RNF216: variants seen among roughly 807,000 people sequenced by gnomAD.
The protein encoded by RNF216 is E3 ubiquitin-protein ligase RNF216.
RNF216 carries 72 observed loss-of-function variants against 110.8 expected under a neutral mutation model. The ratio of observed to expected loss-of-function variants is 0.65; its 90% CI spans 0.54 to 0.79. RNF216 has a LOEUF of 0.79. RNF216 is among the 30% of genes least tolerant of loss of function. The probability of loss-of-function intolerance (pLI) is 0.00; values close to 1 mark genes in which losing one functional copy is unlikely to be tolerated. For missense variants in RNF216, 1,342 were observed against 1,141.2 expected (o/e 1.18, Z -2.54); for synonymous variants, 495 against 407.5 (o/e 1.21, Z -2.59).
At chr7:5,768,268 T>C (rs1219044494) in intron 1 of RNF216, among the ~76,000 whole-genome samples, 1 of 134,814 alleles carries the variant, frequency 7.4e-6, no homozygotes, top group Admixed American at 8.1e-5. Flanking sequence ...CTGGGAAACA[T>C]AGTGAGATCT....
chr7:5,633,230 G>A (rs1787185915), intron 15 of RNF216, among the ~76,000 whole-genome samples: 1 of 151,932 alleles, frequency 6.6e-6, no homozygotes, highest in Non-Finnish European at 1.5e-5. Flanking sequence ...ACCCGCCTTG[G>A]CCTCCCGAAG....
At chr7:5,749,448 G>T (rs1033386118) in intron 3 of RNF216, among the ~76,000 whole-genome samples, 1 of 152,166 alleles carries the variant, frequency 6.6e-6, no homozygotes, top group African/African-American at 2.4e-5. Context: ...ACCACGTCGG[G>T]CCTATATGGA....
At chr7:5,634,344 C>G (rs961577186) in intron 15 of RNF216, among the ~76,000 whole-genome samples, 6 of 152,176 alleles carry the variant, frequency 3.9e-5, no homozygotes, top group Non-Finnish European at 7.3e-5. Flanking sequence ...CATGTGTGGC[C>G]ACAGCTGTTG....
intron 5 of RNF216, among the ~76,000 whole-genome samples, chr7:5,738,436 C>T (rs913060844): frequency 7.9e-5 from 12 of 152,072 alleles, no homozygotes; most frequent in African/African-American, 1.4e-4. Context: ...TGGCTGGGAG[C>T]GGTGGCTCAC....
chr7:5,750,921 G>A (rs1795294882), intron 3 of RNF216, among the ~76,000 whole-genome samples: 1 of 37,482 alleles, frequency 2.7e-5, no homozygotes, highest in Non-Finnish European at 5.2e-5. Context: ...CTGTGCAGTT[G>A]ATGGCGCTTC....
chr7:5,749,836 AAATT>A (rs1169874078), intron 3 of RNF216, among the ~76,000 whole-genome samples: 1 of 152,234 alleles, frequency 6.6e-6, no homozygotes, highest in African/African-American at 2.4e-5. Context: ...CAAACAGCAA[AAATT>A]AATTACATGA....
At chr7:5,637,468 A>G (rs1165861952) in intron 15 of RNF216, among the ~76,000 whole-genome samples, 2 of 152,216 alleles carry the variant, frequency 1.3e-5, no homozygotes, top group Admixed American at 6.5e-5. Flanking sequence ...GTGATAGAAC[A>G]TTCCTGAAAT....
intron 3 of RNF216, among the ~76,000 whole-genome samples, chr7:5,751,209 T>C (rs1024343761): frequency 3.3e-5 from 5 of 152,140 alleles, no homozygotes. Flanking sequence ...AAAAGTGTGA[T>C]AATGAGGACA....
chr7:5,776,726 CT>C (rs1439474999), intron 1 of RNF216, among the ~76,000 whole-genome samples: 1 of 151,214 alleles, frequency 6.6e-6, no homozygotes, highest in Admixed American at 6.6e-5. Flanking sequence ...ACAGCAGCCC[CT>C]GACTCTACTA....
intron 14 of RNF216, chr7:5,650,039 T>C (rs1014683659): frequency 6.6e-6 from 1 of 152,220 alleles, no homozygotes; most frequent in African/African-American, 2.4e-5. Context: ...TGTATTAATA[T>C]GCTACATGAA....
At chr7:5,723,998 C>T (rs1793603214) in intron 8 of RNF216, among the ~76,000 whole-genome samples, 1 of 152,100 alleles carries the variant, frequency 6.6e-6, no homozygotes, top group Non-Finnish European at 1.5e-5. Context: ...AGAATCAGCA[C>T]CTAAATTAAA....
intron 13 of RNF216, among the ~76,000 whole-genome samples, chr7:5,711,378 T>C (rs1364613695): frequency 6.6e-6 from 1 of 152,090 alleles, no homozygotes; most frequent in African/African-American, 2.4e-5. Context: ...ACTTTGAAAA[T>C]GGCAAAAGGT....
chr7:5,668,479 T>G (rs1193844172), intron 13 of RNF216, among the ~76,000 whole-genome samples: 1 of 152,082 alleles, frequency 6.6e-6, no homozygotes, highest in Non-Finnish European at 1.5e-5. Flanking sequence ...CGCCTCGGCC[T>G]CCCAAAGTGC....
chr7:5,780,047 T>C (rs1293591492), intron 1 of RNF216: 1 of 152,102 alleles, frequency 6.6e-6, no homozygotes, highest in Non-Finnish European at 1.5e-5. Flanking sequence ...TGCAGGAAGA[T>C]GGAGGACAAA....
chr7:5,655,911 C>T (rs970150136), intron 13 of RNF216, among the ~76,000 whole-genome samples: 4 of 152,076 alleles, frequency 2.6e-5, no homozygotes, highest in Non-Finnish European at 5.9e-5. Context: ...GGCTGGAGTG[C>T]TGTAGTGTGA....
chr7:5,750,629 C>A (rs1795280511), intron 3 of RNF216, among the ~76,000 whole-genome samples: 1 of 152,244 alleles, frequency 6.6e-6, no homozygotes, highest in African/African-American at 2.4e-5. Flanking sequence ...AGGAATAAGT[C>A]TCATGCCTAA....
In RNF216 at chr7:5,720,614, T is replaced by A. The variant is rs73341611; in HGVS notation, c.1644+419A>T. 5.9e-3 allele frequency among the ~76,000 whole-genome samples: 903 copies of A among 152,264 alleles called. 9 individuals carry two copies. The highest frequency in any genetic ancestry group is 0.021 in the African/African-American group (857 of 41,552). On this transcript the variant is annotated intron_variant, in intron 9 of 16. Transcript: ENST00000389902. ...TGTCTTAGCATAGTTATAAGAGGTT[T>A]GACCTCGCAGACCCCCAAGAGAGTC...
chr7:5,690,087 G>A (rs1002639830), intron 13 of RNF216, among the ~76,000 whole-genome samples: 1 of 152,154 alleles, frequency 6.6e-6, no homozygotes, highest in African/African-American at 2.4e-5. Flanking sequence ...CCAGCACTCT[G>A]GGAGGCTTAG....
At chr7:5,753,394 A>C (rs996409628) in intron 2 of RNF216, among the ~76,000 whole-genome samples, 1 of 152,184 alleles carries the variant, frequency 6.6e-6, no homozygotes, top group Non-Finnish European at 1.5e-5. Flanking sequence ...GTAAAATTTT[A>C]ATTGTTTAAA....
Sources: gnomAD v4.1 joint callset for allele counts (sites outside exome capture counted in the v4.1 genomes callset) on GRCh38, gnomAD v4.1.1 for gene constraint, MANE v1.5 for transcripts, NCBI Gene and HGNC (gene_info 2026-07-23, HGNC 2026-07-21) for gene names.